ANO4: variants seen among roughly 807,000 people sequenced by gnomAD.
ANO4 encodes anoctamin-4.
Under a neutral mutation model 141.9 loss-of-function variants are expected in ANO4, and 69 were observed. The observed-to-expected ratio is 0.49, with a 90% CI of 0.40 to 0.59. The LOEUF is 0.59. ANO4 is among the 20% of genes least tolerant of loss of function. The probability of loss-of-function intolerance (pLI) is 0.00; values close to 1 mark genes in which losing one functional copy is unlikely to be tolerated. For synonymous variants in ANO4, 350 were observed against 394.3 expected (o/e 0.89, Z 1.33); for missense variants, 894 against 1,162.2 (o/e 0.77, Z 3.36).
At chr12:101,061,077 G>A (rs1169749892) in intron 14 of ANO4, among the ~76,000 whole-genome samples, 1 of 152,088 alleles carries the variant, frequency 6.6e-6, no homozygotes, top group Non-Finnish European at 1.5e-5. Context: ...CCAGCCTGGT[G>A]GTGACAAAAT....
intron 1 of ANO4, among the ~76,000 whole-genome samples, chr12:100,824,642 G>C (rs2036232631): frequency 6.6e-6 from 1 of 152,002 alleles, no homozygotes; most frequent in Non-Finnish European, 1.5e-5. Flanking sequence ...GATGAAATCA[G>C]ATTTTCTCCA....
chr12:100,808,870 G>T (rs115543048), intron 1 of ANO4, among the ~76,000 whole-genome samples: 1,842 of 152,248 alleles, frequency 0.012, 43 homozygotes, highest in African/African-American at 0.042. Flanking sequence ...AATTTAGTAA[G>T]TGTTTTTCAC....
chr12:101,059,558 A>G (rs1483541372), intron 14 of ANO4, among the ~76,000 whole-genome samples: 1 of 152,154 alleles, frequency 6.6e-6, no homozygotes, highest in African/African-American at 2.4e-5. Flanking sequence ...TGGGCTATTC[A>G]GGGGTTCGAC....
chr12:100,856,382 G>C (rs1565940966), intron 1 of ANO4, among the ~76,000 whole-genome samples: 1 of 152,076 alleles, frequency 6.6e-6, no homozygotes, highest in Non-Finnish European at 1.5e-5. Context: ...GTATCTGAAG[G>C]CACACTTGCT....
At chr12:100,949,177 A>G (rs1037864621) in intron 5 of ANO4, among the ~76,000 whole-genome samples, 2 of 152,208 alleles carry the variant, frequency 1.3e-5, no homozygotes, top group African/African-American at 2.4e-5. Context: ...GGCAAGACCT[A>G]CATCATAGCC....
intron 8 of ANO4, among the ~76,000 whole-genome samples, chr12:100,994,966 C>T (rs1272449801): frequency 6.6e-6 from 1 of 152,132 alleles, no homozygotes; most frequent in African/African-American, 2.4e-5. Context: ...GCCAGGGATG[C>T]TGCTGAACAT....
chr12:100,904,621 T>C (rs2040750367), intron 2 of ANO4, among the ~76,000 whole-genome samples: 1 of 151,674 alleles, frequency 6.6e-6, no homozygotes, highest in Admixed American at 6.6e-5. Context: ...CAACTTGGAG[T>C]GGAGTGAGTG....
intron 1 of ANO4, among the ~76,000 whole-genome samples, chr12:100,835,768 GA>G (rs1379747798): frequency 4.6e-5 from 7 of 152,140 alleles, no homozygotes; most frequent in African/African-American, 1.7e-4. Flanking sequence ...AGATATCAGT[GA>G]GGCTGATAAT....
intron 15 of ANO4, among the ~76,000 whole-genome samples, chr12:101,082,601 T>C (rs543302700): frequency 6.6e-6 from 1 of 152,230 alleles, no homozygotes. Flanking sequence ...CTGCTCCTAA[T>C]GTATCTCCTG....
At chr12:100,923,850 C>T (rs1432833276) in intron 3 of ANO4, among the ~76,000 whole-genome samples, 2 of 152,252 alleles carry the variant, frequency 1.3e-5, no homozygotes, top group South Asian at 2.1e-4. Context: ...TAGATGGTAT[C>T]TCATGGTGGT....
chr12:101,110,919 A>G (rs1396234947), intron 23 of ANO4, among the ~76,000 whole-genome samples: 4 of 152,206 alleles, frequency 2.6e-5, no homozygotes, highest in African/African-American at 9.6e-5. Flanking sequence ...CCTGATTTAC[A>G]TGAAGTATAA....
chr12:101,066,819 C>A, intron 14 of ANO4: 2 of 1,407,254 alleles, frequency 1.4e-6, no homozygotes, highest in Non-Finnish European at 2.0e-6. Flanking sequence ...AATGTTGATC[C>A]CTCACTTCAG....
At chr12:101,063,948 T>A (rs941692182) in intron 14 of ANO4, among the ~76,000 whole-genome samples, 3 of 151,762 alleles carry the variant, frequency 2.0e-5, no homozygotes, top group Non-Finnish European at 2.9e-5. Context: ...AGTTTATCAG[T>A]TCTATTGATC....
At chr12:100,844,758 C>T (rs529330646) in intron 1 of ANO4, among the ~76,000 whole-genome samples, 2 of 114,224 alleles carry the variant, frequency 1.8e-5, no homozygotes, top group Non-Finnish European at 3.8e-5. Context: ...GAGGCATCCA[C>T]GTGGAGGTAT....
At chr12:101,092,264 A>G (rs551168167) in intron 17 of ANO4, among the ~76,000 whole-genome samples, 1 of 152,168 alleles carries the variant, frequency 6.6e-6, no homozygotes, top group Non-Finnish European at 1.5e-5. Flanking sequence ...TATAGCTTGC[A>G]TCAGAGCAAG....
At chr12:101,076,066 T>C (rs1346540829) in intron 14 of ANO4, among the ~76,000 whole-genome samples, 1 of 152,160 alleles carries the variant, frequency 6.6e-6, no homozygotes, top group Non-Finnish European at 1.5e-5. Flanking sequence ...TCTCTTCCTA[T>C]TGAGTACTAT....
intron 5 of ANO4, among the ~76,000 whole-genome samples, chr12:100,954,410 A>G (rs1396431137): frequency 6.6e-6 from 1 of 152,052 alleles, no homozygotes; most frequent in Admixed American, 6.6e-5. Flanking sequence ...TCAAACCTCA[A>G]ATCTGCCTGT....
chr12:100,869,344 T>G (rs1276647154), intron 1 of ANO4, among the ~76,000 whole-genome samples: 2 of 152,306 alleles, frequency 1.3e-5, no homozygotes, highest in Admixed American at 1.3e-4. Context: ...GACCTGAGTC[T>G]TAGATCAAGA....
chr12:101,018,776 G>A (rs990039918), intron 8 of ANO4, among the ~76,000 whole-genome samples: 2 of 152,144 alleles, frequency 1.3e-5, no homozygotes, highest in African/African-American at 2.4e-5. Flanking sequence ...GGAAGGAAAG[G>A]CATGCAGAAG....
Sources: allele counts gnomAD v4.1 joint callset (sites outside exome capture counted in the v4.1 genomes callset), GRCh38; gene constraint gnomAD v4.1.1; transcripts MANE v1.5; gene names NCBI Gene and HGNC (gene_info 2026-07-23, HGNC 2026-07-21).